The following AFF3 variants were observed in gnomAD, a reference collection of about 807,000 sequenced individuals.
AFF3 encodes the protein AF4/FMR2 family member 3.
Under a neutral mutation model 129.7 loss-of-function variants are expected in AFF3, and 32 were observed. The observed-to-expected ratio is 0.25, with a 90% CI of 0.19 to 0.33. The LOEUF is 0.33. AFF3 is among the 10% of genes least tolerant of loss of function. The pLI, the probability that AFF3 is intolerant of heterozygous loss-of-function variation, is 1.00. For synonymous variants in AFF3, 644 were observed against 635.4 expected (o/e 1.01, Z -0.20); for missense variants, 1,373 against 1,592.0 (o/e 0.86, Z 2.34).
chr2:99,966,021 C>T (rs1677711052), intron 7 of AFF3, among the ~76,000 whole-genome samples: 1 of 152,096 alleles, frequency 6.6e-6, no homozygotes, highest in Admixed American at 6.6e-5. Context: ...TACTTTAAAG[C>T]ACTACGAAAA....
intron 7 of AFF3, among the ~76,000 whole-genome samples, chr2:99,966,553 A>G (rs1266292919): frequency 4.0e-5 from 6 of 148,988 alleles, no homozygotes; most frequent in East Asian, 2.0e-4. Context: ...AGCCGGGCGT[A>G]GTGGCGGGCG....
At position 99,601,696 on chromosome 2, in the gene AFF3, T is replaced by C. The variant is rs890497463; in HGVS notation, c.1185-75A>G. On this transcript the variant is annotated intron_variant, in intron 13 of 24. Transcript: ENST00000672756. The stretch of plus-strand genomic sequence containing the variant: ...AGCAAACAGGAAAACACCACCAAGC[T>C]GTCATGCACCCTAAAGAGGGAGGAG... The C allele has an allele frequency of 6.6e-6, 10 of 1,512,680 alleles. No individual in the cohort carries two copies. In the African/African-American group the frequency reaches 1.1e-4, roughly 17 times the overall value. 93.7% of individuals were successfully genotyped at this position (1,512,680 alleles called of 1,614,324 possible). A position where few individuals can be genotyped will look rare whatever the true frequency, so the allele number is the denominator to read the frequency against.
intron 24 of AFF3, 146 bp downstream of exon 24, chr2:99,554,165 G>T: frequency 1.2e-6 from 1 of 820,636 alleles, no homozygotes; most frequent in Non-Finnish European, 1.9e-6. Flanking sequence ...ACTAGTTAGT[G>T]ACATGAGAAA....
chr2:99,558,053 T>C (rs1380286382), intron 22 of AFF3, among the ~76,000 whole-genome samples: 1 of 152,192 alleles, frequency 6.6e-6, no homozygotes, highest in African/African-American at 2.4e-5. Flanking sequence ...CTGAGATAAG[T>C]AAAAGGTGGC....
intron 4 of AFF3, among the ~76,000 whole-genome samples, chr2:100,086,249 G>A (rs977196811): frequency 2.6e-5 from 4 of 152,246 alleles, no homozygotes; most frequent in Admixed American, 2.0e-4. Context: ...CTGGCTGGGC[G>A]CCATGGCTCA....
intron 8 of AFF3, among the ~76,000 whole-genome samples, chr2:99,790,835 C>T (rs989129692): frequency 6.6e-6 from 1 of 152,160 alleles, no homozygotes; most frequent in African/African-American, 2.4e-5. Context: ...TGACAACACA[C>T]GTCCACACAA....
chr2:100,059,084 C>A (rs1408926493), intron 4 of AFF3, among the ~76,000 whole-genome samples: 1 of 151,860 alleles, frequency 6.6e-6, no homozygotes, highest in Non-Finnish European at 1.5e-5. Flanking sequence ...GAAACCCCAT[C>A]TCTATTAAAA....
intron 12 of AFF3, among the ~76,000 whole-genome samples, chr2:99,670,995 G>A (rs963159334): frequency 3.5e-4 from 54 of 152,126 alleles, no homozygotes; most frequent in Non-Finnish European, 8.8e-5. Flanking sequence ...TGTATAGTAC[G>A]TCATTAGTAA....
At chr2:99,992,993 TC>T (rs2104604065) in intron 7 of AFF3, among the ~76,000 whole-genome samples, 1 of 152,280 alleles carries the variant, frequency 6.6e-6, no homozygotes, top group Non-Finnish European at 1.5e-5. Context: ...GGATATGCCC[TC>T]CCCTTTCTGT....
intron 7 of AFF3, among the ~76,000 whole-genome samples, chr2:99,977,385 G>A (rs1678998212): frequency 6.6e-6 from 1 of 152,126 alleles, no homozygotes; most frequent in Non-Finnish European, 1.5e-5. Flanking sequence ...TTTCCAACGT[G>A]GCAGAGAACT....
intron 2 of AFF3, among the ~76,000 whole-genome samples, chr2:100,108,935 T>TA (rs1553522428): frequency 2.4e-5 from 3 of 124,222 alleles, no homozygotes; most frequent in East Asian, 2.4e-4. Flanking sequence ...TTTTTTTTTT[T>TA]AACAAAACCA....
At chr2:99,741,077 G>GT (rs1422650201) in intron 10 of AFF3, among the ~76,000 whole-genome samples, 1 of 152,284 alleles carries the variant, frequency 6.6e-6, no homozygotes, top group East Asian at 1.9e-4. Flanking sequence ...CCCATTGCTT[G>GT]TTTTTCTCAG....
intron 11 of AFF3, among the ~76,000 whole-genome samples, chr2:99,724,774 C>A (rs1258313867): frequency 6.6e-6 from 1 of 152,178 alleles, no homozygotes; most frequent in Non-Finnish European, 1.5e-5. Flanking sequence ...TGTTAGAGGT[C>A]TCTTGAGCGG....
intron 13 of AFF3, among the ~76,000 whole-genome samples, chr2:99,635,982 G>T (rs1683616129): frequency 6.6e-6 from 1 of 152,158 alleles, no homozygotes; most frequent in South Asian, 2.1e-4. Flanking sequence ...GGCTTGGTGG[G>T]AACCTTCCAA....
At chr2:100,046,996 TTAAGAG>T (rs897082291) in intron 4 of AFF3, among the ~76,000 whole-genome samples, 2 of 152,228 alleles carry the variant, frequency 1.3e-5, no homozygotes, top group African/African-American at 4.8e-5. Flanking sequence ...AATAATGACT[TTAAGAG>T]TAAGACTTTA....
At chr2:99,728,335 C>G (rs1401703315) in intron 10 of AFF3, among the ~76,000 whole-genome samples, 1 of 152,138 alleles carries the variant, frequency 6.6e-6, no homozygotes, top group South Asian at 2.1e-4. Flanking sequence ...GTGGTAGTAA[C>G]TTGGTTTGCT....
At chr2:99,771,884 A>T (rs1683517273) in intron 8 of AFF3, among the ~76,000 whole-genome samples, 1 of 152,196 alleles carries the variant, frequency 6.6e-6, no homozygotes, top group Non-Finnish European at 1.5e-5. Flanking sequence ...GTGTCCTTCT[A>T]TGTTCCTTCA....
At chr2:99,916,085 C>CTGTA (rs751593793) in intron 7 of AFF3, among the ~76,000 whole-genome samples, 5 of 152,172 alleles carry the variant, frequency 3.3e-5, no homozygotes, top group Non-Finnish European at 7.3e-5. Context: ...TAAGGTGTTA[C>CTGTA]TGTAGCCTGT....
At chr2:100,051,251 C>T (rs1686305049) in intron 4 of AFF3, among the ~76,000 whole-genome samples, 1 of 152,118 alleles carries the variant, frequency 6.6e-6, no homozygotes, top group Admixed American at 6.5e-5. Context: ...CTGGGGTAGA[C>T]CAGCCCTAAT....
Sources: allele counts gnomAD v4.1 joint callset (sites outside exome capture counted in the v4.1 genomes callset), GRCh38; gene constraint gnomAD v4.1.1; transcripts MANE v1.5; gene names NCBI Gene and HGNC (gene_info 2026-07-23, HGNC 2026-07-21).